TNFRSF13B: variants seen among roughly 807,000 people sequenced by gnomAD.
TNFRSF13B encodes the protein TNF receptor superfamily member 13B, also known as tumor necrosis factor receptor superfamily member 13B.
A neutral mutation model predicts 24.0 loss-of-function variants in TNFRSF13B; 34 were observed. That is an observed-to-expected ratio of 1.41 (90% CI 1.08 to 1.88). The LOEUF is 1.88. Among genes scored for constraint, TNFRSF13B ranks in the 40% most tolerant of loss-of-function variants. TNFRSF13B has a pLI of 0.00. For missense variants in TNFRSF13B, 415 were observed against 380.8 expected, an observed-to-expected ratio of 1.09 and a Z score of -0.75; for synonymous variants, 173 against 150.3, an observed-to-expected ratio of 1.15 and a Z score of -1.10.
intron 1 of TNFRSF13B, among the ~76,000 whole-genome samples, chr17:16,958,423 A>G (rs1428407731): frequency 2.0e-5 from 3 of 151,274 alleles, no homozygotes; most frequent in Non-Finnish European, 4.4e-5. Flanking sequence ...AAAAAAAAAA[A>G]TTGGCAGATT....
chr17:16,947,448 C>G (rs2087557141), intron 3 of TNFRSF13B, among the ~76,000 whole-genome samples: 1 of 152,204 alleles, frequency 6.6e-6, no homozygotes, highest in Admixed American at 6.5e-5. Context: ...GCAAACTATG[C>G]ACCCAACAAA....
intron 3 of TNFRSF13B, chr17:16,941,624 T>C: frequency 1.0e-6 from 1 of 975,242 alleles, no homozygotes; most frequent in South Asian, 4.7e-5. Flanking sequence ...TACTGAGAAT[T>C]TGTATACCAT....
chr17:16,964,530 G>T (rs1041319891), intron 1 of TNFRSF13B, among the ~76,000 whole-genome samples: 1 of 151,898 alleles, frequency 6.6e-6, no homozygotes, highest in African/African-American at 2.4e-5. Context: ...TTTAGTAGAT[G>T]AGGTTTCTCC....
chr17:16,939,601 G>A lies in TNFRSF13B; in HGVS notation c.828C>T (p.Asp276=). Residue 276 remains aspartate (D), a synonymous_variant, in exon 5 of 5, where the codon GAC becomes GAT. Coordinates refer to ENST00000261652, the MANE Select transcript of TNFRSF13B (RefSeq NM_012452.3). ...TVLQPCPHIP[D]SGLGIVCVPA... ...GCACACACACAATGCCAAGGCCACT[G>A]TCTGGGATGTGTGGGCAAGGCTGCA... The A allele has an allele frequency of 6.2e-7, 1 of 1,613,648 alleles. No individual in the cohort carries two copies. The highest frequency in any genetic ancestry group is 8.5e-7 in the Non-Finnish European group (1 of 1,179,760).
chr17:16,949,914 G>C (rs986669469), intron 2 of TNFRSF13B, among the ~76,000 whole-genome samples: 6 of 152,042 alleles, frequency 3.9e-5, no homozygotes, highest in Non-Finnish European at 7.4e-5. Flanking sequence ...GTGAACTCCT[G>C]ACCTCAGGTG....
At chr17:16,947,346 A>G (rs995686885) in intron 3 of TNFRSF13B, among the ~76,000 whole-genome samples, 4 of 152,256 alleles carry the variant, frequency 2.6e-5, no homozygotes, top group African/African-American at 9.6e-5. Flanking sequence ...ACAAAAATTG[A>G]CAAGTGGGAT....
At chr17:16,941,962 C>T (rs925081992) in intron 3 of TNFRSF13B, among the ~76,000 whole-genome samples, 14 of 152,270 alleles carry the variant, frequency 9.2e-5, no homozygotes, top group African/African-American at 3.1e-4. Flanking sequence ...TCTCTTTAGG[C>T]GGAATGGACA....
intron 1 of TNFRSF13B, among the ~76,000 whole-genome samples, chr17:16,960,431 A>G (rs12051900): frequency 0.12 from 18,945 of 152,152 alleles, 1,280 homozygotes; most frequent in East Asian, 0.22. Context: ...TCCACAGTGG[A>G]AAGGAGAGCA....
Position 16,939,486 on chromosome 17 carries a change from C to G in TNFRSF13B, c.*61G>C. On this transcript the variant is annotated 3_prime_UTR_variant, in exon 5 of 5. Coordinates refer to ENST00000261652, the MANE Select transcript of TNFRSF13B (RefSeq NM_012452.3). The stretch of plus-strand genomic sequence containing the variant: ...ATATCTCTCTCCCCTCTCCCCACCT[C>G]TCTTTCTCTCTCCCCTCCTCTCCAT... 6.4e-7 allele frequency: 1 copy of G among 1,551,680 alleles called. No individual in the cohort carries two copies. The highest frequency in any genetic ancestry group is 1.2e-5 in the South Asian group (1 of 83,576).
chr17:16,969,056 C>T (rs2087725593), intron 1 of TNFRSF13B, among the ~76,000 whole-genome samples: 3 of 152,310 alleles, frequency 2.0e-5, no homozygotes, highest in Admixed American at 6.5e-5. Context: ...TGACAAATGT[C>T]GGTGAAGATG....
At chr17:16,955,689 G>A (rs1421411577) in intron 1 of TNFRSF13B, among the ~76,000 whole-genome samples, 2 of 152,228 alleles carry the variant, frequency 1.3e-5, no homozygotes, top group East Asian at 1.9e-4. Context: ...GCAATCCTGG[G>A]ATGTGAGGAG....
Position 16,939,560 on chromosome 17 carries a change from C to T in TNFRSF13B, c.869G>A (p.Gly290Asp), listed in dbSNP as rs778108471. 3 of 1,612,950 alleles carry T rather than the reference C, an allele frequency of 1.9e-6. No individual in the cohort carries two copies. The highest frequency in any genetic ancestry group is 2.2e-5 in the East Asian group (1 of 44,886). Residue 290 changes from glycine (G) to aspartate (D), a missense_variant, in exon 5 of 5, where the codon GGC becomes GAC. Coordinates refer to ENST00000261652, the MANE Select transcript of TNFRSF13B (RefSeq NM_012452.3). ...GIVCVPAQEG[G>D]PGA ...CCTGACCCCCATTTATGCACCTGGG[C>T]CCCCCTCCTGGGCAGGCACACACAC...
At chr17:16,957,017 C>T (rs556332598) in intron 1 of TNFRSF13B, among the ~76,000 whole-genome samples, 3 of 152,074 alleles carry the variant, frequency 2.0e-5, no homozygotes, top group South Asian at 2.1e-4. Flanking sequence ...TAAATGATAA[C>T]GACGTGTCAG....
chr17:16,954,109 A>T (rs1362689573), intron 1 of TNFRSF13B, among the ~76,000 whole-genome samples: 1 of 152,234 alleles, frequency 6.6e-6, no homozygotes, highest in Non-Finnish European at 1.5e-5. Flanking sequence ...GGAAGACCAG[A>T]GGTGGCTGGG....
At chr17:16,971,361 C>CAAAAACAAAAACAA (rs56234954) in intron 1 of TNFRSF13B, among the ~76,000 whole-genome samples, 7 of 151,040 alleles carry the variant, frequency 4.6e-5, no homozygotes, top group South Asian at 2.1e-4. Flanking sequence ...AAAACAAAAA[C>CAAAAACAAAAACAA]AAAAACAAAA....
intron 1 of TNFRSF13B, among the ~76,000 whole-genome samples, chr17:16,970,413 G>A (rs908205353): frequency 6.6e-6 from 1 of 152,164 alleles, no homozygotes. Context: ...CCTCCTCACG[G>A]GCTTGGCCGG....
chr17:16,961,633 AG>A (rs2087663189), intron 1 of TNFRSF13B, among the ~76,000 whole-genome samples: 1 of 152,208 alleles, frequency 6.6e-6, no homozygotes, highest in African/African-American at 2.4e-5. Flanking sequence ...GCCATAAAAA[AG>A]TTTTGGATAT....
chr17:16,971,435 T>C (rs2052996380), intron 1 of TNFRSF13B, among the ~76,000 whole-genome samples: 1 of 148,596 alleles, frequency 6.7e-6, no homozygotes, highest in Admixed American at 6.7e-5. Flanking sequence ...ACAGAAAAAA[T>C]GGGTGGAAAC....
intron 1 of TNFRSF13B, among the ~76,000 whole-genome samples, chr17:16,964,326 C>T (rs965531571): frequency 6.7e-6 from 1 of 150,160 alleles, no homozygotes; most frequent in Non-Finnish European, 1.5e-5. Context: ...GAGAGTCCAC[C>T]ATCTCCATGC....
Sources: allele counts gnomAD v4.1 joint callset (sites outside exome capture counted in the v4.1 genomes callset), GRCh38; gene constraint gnomAD v4.1.1; transcripts MANE v1.5; gene names NCBI Gene and HGNC (gene_info 2026-07-23, HGNC 2026-07-21).